The following KIF13B variants were observed in gnomAD, a reference collection of about 807,000 sequenced individuals.
KIF13B encodes the protein kinesin-like protein KIF13B.
Under a neutral mutation model 222.0 loss-of-function variants are expected in KIF13B, and 127 were observed. That is an observed-to-expected ratio of 0.57 (90% CI 0.50 to 0.66). The LOEUF is 0.66. Ranked by LOEUF, KIF13B falls within the 30% of genes least tolerant of loss-of-function variation. KIF13B has a pLI of 0.00. For synonymous variants in KIF13B, 976 were observed against 919.0 expected (o/e 1.06, Z -1.12); for missense variants, 2,173 against 2,379.0 (o/e 0.91, Z 1.80).
chr8:29,080,222 G>A (rs569782425), intron 37 of KIF13B, among the ~76,000 whole-genome samples: 16 of 145,516 alleles, frequency 1.1e-4, no homozygotes, highest in South Asian at 8.8e-4. Context: ...CCTATAGTCC[G>A]AACTACTTGG....
intron 18 of KIF13B, 103 bp downstream of exon 18, chr8:29,146,275 G>A: frequency 8.6e-7 from 1 of 1,159,986 alleles, no homozygotes; most frequent in South Asian, 1.2e-5. Flanking sequence ...ATCTGGACTT[G>A]GGGCAGGCAC....
At position 29,136,691 on chromosome 8, in the gene KIF13B, G is replaced by A. The variant is rs73224669; in HGVS notation, c.2614-2481C>T. ...TAAATTCTTAGTTTTCTTAGGCTTCGTTTTCTCCTAGGTGAAATGGGAATA... is the reference window on the plus strand; with the variant it reads ...TAAATTCTTAGTTTTCTTAGGCTTCATTTTCTCCTAGGTGAAATGGGAATA... On this transcript the variant is annotated intron_variant, in intron 21 of 39. Coordinates refer to ENST00000524189, the MANE Select transcript of KIF13B (RefSeq NM_015254.4). Among the ~76,000 whole-genome samples the A allele has an allele frequency of 9.5e-3, 1,437 of 150,780 alleles. 14 individuals are homozygous for A. The highest frequency in any genetic ancestry group is 0.014 in the Non-Finnish European group (945 of 67,864).
chr8:29,177,501 T>C lies in KIF13B; in HGVS notation c.798A>G (p.Ala266=), dbSNP rs1812530499. The change falls in exon 9 of 40, where the codon GCA becomes GCG. Residue 266 remains alanine, a synonymous_variant. Coordinates refer to ENST00000524189, the MANE Select transcript of KIF13B (RefSeq NM_015254.4). ...GSERATKTGA[A]GDRLKEGSNI... is the part of the protein sequence containing the mutation. Reference sequence around the variant, plus strand: ...TGCTCCCTTCCTTCAGCCTGTCCCCTGCAGCGCCTGTCTTCGTTGCTCGTT... The same window carrying C: ...TGCTCCCTTCCTTCAGCCTGTCCCCCGCAGCGCCTGTCTTCGTTGCTCGTT... 1 of 1,613,724 alleles carries C rather than the reference T, an allele frequency of 6.2e-7. No individual in the cohort carries two copies. Among genetic ancestry groups the C allele is most frequent in the Non-Finnish European group, 8.5e-7 (1 of 1,179,604 alleles).
Position 29,140,160 on chromosome 8 carries a change from C to A in KIF13B, c.2516G>T (p.Arg839Leu), listed in dbSNP as rs1221058237. 2 of 1,613,636 alleles carry A rather than the reference C, an allele frequency of 1.2e-6. No individual in the cohort carries two copies. The highest frequency in any genetic ancestry group is 2.2e-5 in the South Asian group (2 of 91,052). Residue 839 changes from arginine to leucine, a missense_variant, in exon 21 of 40, where the codon CGA (arginine) becomes CTA (leucine). This residue lies in a region of KIF13B where 1,480 missense variants were observed against 1,722.8 expected (regional missense o/e 0.86). Transcript: ENST00000524189. The part of the protein sequence containing the change: ...VAGRLHVEVM[R>L]LSGDVGERIA... ...CCTCTCCCCAACATCACCACTGAGT[C>A]GCATCACCTCCACGTGCAGCCGACC...
At chr8:29,146,631 C>A in intron 17 of KIF13B, 91 bp from the exon 18 acceptor site, 1 of 1,178,688 alleles carries the variant, frequency 8.5e-7, no homozygotes, top group Non-Finnish European at 1.2e-6. Context: ...ACATCATTGC[C>A]AAAGTGTGAA....
chr8:29,197,315 C>T lies in KIF13B; in HGVS notation c.150-1116G>A, dbSNP rs1205685216. On this transcript the variant is annotated intron_variant, in intron 2 of 39. Transcript: ENST00000524189. Reference sequence around the variant, plus strand: ...TCCCGCCACTGCACTCCAGCCTGGGCGACAGAGCGAGACTCCGTCTCAAAA... The same window carrying T: ...TCCCGCCACTGCACTCCAGCCTGGGTGACAGAGCGAGACTCCGTCTCAAAA... Among the ~76,000 whole-genome samples the T allele has an allele frequency of 1.9e-4, 21 of 110,204 alleles. No individual in the cohort carries two copies. The Admixed American group carries it at 2.2e-3, about 12-fold the overall frequency. The allele number at this position is 110,204 out of a possible 152,430, so 72.3% of individuals were successfully genotyped here. A position where few individuals can be genotyped will look rare whatever the true frequency, so the allele number is the denominator to read the frequency against.
At chr8:29,215,292 C>A (rs186751634) in intron 2 of KIF13B, among the ~76,000 whole-genome samples, 1 of 152,160 alleles carries the variant, frequency 6.6e-6, no homozygotes, top group East Asian at 1.9e-4. Context: ...AAATTTGGGG[C>A]AACACCTGGA....
chr8:29,213,484 C>T (rs988881601), intron 2 of KIF13B, among the ~76,000 whole-genome samples: 4 of 152,166 alleles, frequency 2.6e-5, no homozygotes, highest in African/African-American at 9.7e-5. Context: ...AAATGCATTA[C>T]GGGCAATTTT....
chr8:29,247,051 A>G (rs1161492254), intron 1 of KIF13B, among the ~76,000 whole-genome samples: 3 of 152,230 alleles, frequency 2.0e-5, no homozygotes, highest in East Asian at 3.8e-4. Context: ...CACCCAAAAC[A>G]CAGACAACAA....
At chr8:29,203,060 C>T (rs940101998) in intron 2 of KIF13B, among the ~76,000 whole-genome samples, 2 of 152,206 alleles carry the variant, frequency 1.3e-5, no homozygotes, top group African/African-American at 4.8e-5. Flanking sequence ...TGTAGGACCA[C>T]TCGGTTTGTC....
chr8:29,251,913 A>T (rs1185176524), intron 1 of KIF13B, among the ~76,000 whole-genome samples: 1 of 152,210 alleles, frequency 6.6e-6, no homozygotes, highest in Non-Finnish European at 1.5e-5. Context: ...GAGTGATCTT[A>T]AAGTAGTACT....
Position 29,155,871 on chromosome 8 carries a change from A to G in KIF13B, c.1405-15T>C, listed in dbSNP as rs1811498627. Reference sequence around the variant, plus strand: ...AATGTATGTTCCTAAGAAAAAACCAAATTCACTGATTAATACTGTATTCTT... The same window carrying G: ...AATGTATGTTCCTAAGAAAAAACCAGATTCACTGATTAATACTGTATTCTT... On this transcript the variant is annotated splice_polypyrimidine_tract_variant and intron_variant, in intron 13 of 39. Transcript: ENST00000524189. The G allele has an allele frequency of 6.5e-7, 1 of 1,541,548 alleles. No individual in the cohort carries two copies. Among genetic ancestry groups the G allele is most frequent in the Non-Finnish European group, 8.8e-7 (1 of 1,132,878 alleles).
chr8:29,196,187 C>A lies in KIF13B; in HGVS notation c.162G>T (p.Lys54Asn). 6.4e-7 allele frequency: 1 copy of A among 1,566,512 alleles called. No individual in the cohort carries two copies. ...TCACATAACAAACCAAATCTCTTAC[C>A]TTCGGCTGGCCCCTGAGCTCCCAAA... ...LSKGDARGQP[K>N]VFAYDHCFWS... The change falls in exon 3 of 40, where the codon AAG becomes AAT. Residue 54 changes from lysine (K) to asparagine (N), a missense_variant and splice_region_variant. Lys to Asn is a moderately conservative substitution (Grantham distance 94). Coordinates refer to ENST00000524189, the MANE Select transcript of KIF13B (RefSeq NM_015254.4).
In KIF13B at chr8:29,076,856, T is replaced by C. The variant is rs571629248; in HGVS notation, c.4459-1513A>G. 2.0e-3 allele frequency among the ~76,000 whole-genome samples: 308 copies of C among 152,250 alleles called. 2 individuals are homozygous for C. The highest frequency in any genetic ancestry group is 6.3e-3 in the African/African-American group (261 of 41,544). ...CAGATGTGGTGGTGCACACCTGCAG[T>C]CCCAGCTCCTCAGGAGGCTGAGGCA... On this transcript the variant is annotated intron_variant, in intron 37 of 39. Transcript: ENST00000524189.
At chr8:29,207,018 C>T (rs1261664432) in intron 2 of KIF13B, among the ~76,000 whole-genome samples, 1 of 152,134 alleles carries the variant, frequency 6.6e-6, no homozygotes, top group Admixed American at 6.5e-5. Flanking sequence ...CCTAGCTGTG[C>T]TCTCACCCAA....
chr8:29,073,529 AAGG>A (rs1448429445), intron 38 of KIF13B, among the ~76,000 whole-genome samples: 1 of 152,206 alleles, frequency 6.6e-6, no homozygotes, highest in African/African-American at 2.4e-5. Flanking sequence ...GACCGAAGAA[AAGG>A]AGAAGGCAGG....
intron 8 of KIF13B, 146 bp downstream of exon 8, chr8:29,179,958 A>AGAG: frequency 1.2e-6 from 1 of 853,952 alleles, no homozygotes; most frequent in Non-Finnish European, 1.8e-6. Flanking sequence ...CTATTGACCT[A>AGAG]GAGGAGCTTC....
intron 3 of KIF13B, among the ~76,000 whole-genome samples, chr8:29,192,982 T>C (rs1362273530): frequency 6.7e-6 from 1 of 149,612 alleles, no homozygotes; most frequent in Non-Finnish European, 1.5e-5. Context: ...TTCTGGGAGG[T>C]ACCAGAAGGG....
chr8:29,092,313 AAGAACAGGTT>A (rs1324799856), intron 37 of KIF13B, among the ~76,000 whole-genome samples: 1 of 152,242 alleles, frequency 6.6e-6, no homozygotes, highest in Non-Finnish European at 1.5e-5. Context: ...TTTTCAGTGA[AAGAACAGGTT>A]ATCCACAGCA....
Sources: gnomAD v4.1 joint callset for allele counts (sites outside exome capture counted in the v4.1 genomes callset) on GRCh38, gnomAD v4.1.1 for gene constraint, gnomAD v4.1.1 regional missense constraint, MANE v1.5 for transcripts, NCBI Gene and HGNC (gene_info 2026-07-23, HGNC 2026-07-21) for gene names.